SSBP1: variants seen among roughly 807,000 people sequenced by gnomAD.
The protein encoded by SSBP1 is single stranded DNA binding protein 1.
Under a neutral mutation model 27.0 loss-of-function variants are expected in SSBP1, and 20 were observed. The ratio of observed to expected loss-of-function variants is 0.74; its 90% confidence interval spans 0.52 to 1.08. The LOEUF (loss-of-function observed/expected upper bound fraction) is 1.08, where lower values mean the gene tolerates loss of function less well. SSBP1 is among the 50% of genes least tolerant of loss of function. The pLI, the probability that SSBP1 is intolerant of heterozygous loss-of-function variation, is 0.00. For synonymous variants in SSBP1, 59 were observed against 59.3 expected (o/e 1.00, Z 0.02); for missense variants, 137 against 182.4 (o/e 0.75, Z 1.44).
At chr7:141,741,798 G>A in intron 2 of SSBP1, 1 of 1,012,356 alleles carries the variant, frequency 9.9e-7, no homozygotes, top group East Asian at 9.3e-5. Flanking sequence ...CTTAGGTACA[G>A]GTTGGATTTA....
chr7:141,750,448 T>A lies in SSBP1; in HGVS notation c.*94T>A, dbSNP rs1799920402. The A allele has an allele frequency of 1.9e-6, 2 of 1,048,208 alleles. No individual in the cohort carries two copies. The highest frequency in any genetic ancestry group is 2.8e-6 in the Non-Finnish European group (2 of 723,396). The allele number at this position is 1,048,208 out of a possible 1,614,324, so 64.9% of individuals were successfully genotyped here. A position where few individuals can be genotyped will look rare whatever the true frequency, so the allele number is the denominator to read the frequency against. On this transcript the variant is annotated 3_prime_UTR_variant, in exon 7 of 7. Transcript: ENST00000265304. ...CTTCCAAGGACAAGAATTAAAATACTCTTTTACGTAAAATGAGTAATAATC... is the reference window on the plus strand; with the variant it reads ...CTTCCAAGGACAAGAATTAAAATACACTTTTACGTAAAATGAGTAATAATC...
chr7:141,745,264 A>G (rs886330071), intron 5 of SSBP1, among the ~76,000 whole-genome samples: 12 of 152,188 alleles, frequency 7.9e-5, no homozygotes, highest in Admixed American at 7.2e-4. Flanking sequence ...AACTTCCGTA[A>G]GAGAAATAGC....
chr7:141,741,070 C>G (rs889147095), intron 2 of SSBP1: 1 of 152,186 alleles, frequency 6.6e-6, no homozygotes, highest in Non-Finnish European at 1.5e-5. Flanking sequence ...ACCTATCTCT[C>G]GTTCTCTAAA....
chr7:141,745,462 C>A, intron 5 of SSBP1, 34 bp from the exon 6 acceptor site: 1 of 1,547,502 alleles, frequency 6.5e-7, no homozygotes. Flanking sequence ...ATATTAAGAT[C>A]TCAACTAAAA....
chr7:141,747,549 C>T (rs1475973477), intron 6 of SSBP1, among the ~76,000 whole-genome samples: 2 of 151,420 alleles, frequency 1.3e-5, no homozygotes, highest in Non-Finnish European at 2.9e-5. Context: ...GCCACCACGC[C>T]CAGCTAATTT....
intron 2 of SSBP1, chr7:141,741,948 A>G (rs373891838): frequency 1.6e-4 from 96 of 585,414 alleles, no homozygotes; most frequent in East Asian, 1.6e-3. Flanking sequence ...CATGCCTTCT[A>G]GTACCTTCCT....
At chr7:141,739,239 G>GA in intron 2 of SSBP1, 49 bp downstream of exon 2, 1 of 1,481,754 alleles carries the variant, frequency 6.7e-7, no homozygotes, top group African/African-American at 1.4e-5. Flanking sequence ...ATCAGCCACA[G>GA]TGATCAGAAG....
intron 1 of SSBP1, chr7:141,738,614 C>T (rs569976667): frequency 1.3e-5 from 2 of 152,596 alleles, no homozygotes; most frequent in East Asian, 3.9e-4. Flanking sequence ...TCCACCTCTC[C>T]CTATGGTGTG....
intron 2 of SSBP1, chr7:141,740,397 C>T (rs1340918978): frequency 6.6e-6 from 1 of 152,150 alleles, no homozygotes; most frequent in South Asian, 2.1e-4. Context: ...CCCATCTTTA[C>T]AGGAGCTCTT....
chr7:141,749,209 A>G, intron 6 of SSBP1, among the ~76,000 whole-genome samples: 1 of 152,326 alleles, frequency 6.6e-6, no homozygotes, highest in Non-Finnish European at 1.5e-5. Flanking sequence ...TAATCTAAAG[A>G]TGATTTAAAG....
intron 5 of SSBP1, among the ~76,000 whole-genome samples, 182 bp downstream of exon 5, chr7:141,744,171 AT>A (rs11333903): frequency 0.022 from 3,292 of 152,334 alleles, 118 homozygotes; most frequent in African/African-American, 0.076. Context: ...TGTGTGACTA[AT>A]TTGAAGATAT....
intron 2 of SSBP1, chr7:141,740,970 G>A (rs1799505160): frequency 6.6e-6 from 1 of 152,202 alleles, no homozygotes; most frequent in Non-Finnish European, 1.5e-5. Flanking sequence ...CATAGACACA[G>A]GGAATCTGAC....
rs1410340792 is a variant in SSBP1, at chr7:141,742,230, G to T, written c.85+1G>T. The T allele has an allele frequency of 6.3e-7, 1 of 1,598,016 alleles. No homozygotes were observed. The highest frequency in any genetic ancestry group is 8.6e-7 in the Non-Finnish European group (1 of 1,166,832). ...ACTACCAGTTTGGTTCTTGAAAGATGTAAGTAGCTAATTTCCAAGTTTAAA... is the reference window on the plus strand; with the variant it reads ...ACTACCAGTTTGGTTCTTGAAAGATTTAAGTAGCTAATTTCCAAGTTTAAA... On this transcript the variant is annotated splice_donor_variant, in intron 3 of 6. Coordinates refer to ENST00000265304, the MANE Select transcript of SSBP1 (RefSeq NM_003143.3). LOFTEE classifies it high-confidence loss of function.
chr7:141,744,065 T>G, intron 5 of SSBP1, 76 bp downstream of exon 5: 1 of 1,323,834 alleles, frequency 7.6e-7, no homozygotes, highest in Non-Finnish European at 1.0e-6. Flanking sequence ...TGGCAAGGAG[T>G]GTGTAGTCTC....
At chr7:141,739,883 A>T (rs1027776040) in intron 2 of SSBP1, 1 of 152,174 alleles carries the variant, frequency 6.6e-6, no homozygotes, top group African/African-American at 2.4e-5. Flanking sequence ...TTTAACCTGT[A>T]TGTATCTTTA....
chr7:141,743,114 A>C (rs1047122397), intron 3 of SSBP1, among the ~76,000 whole-genome samples: 1 of 152,192 alleles, frequency 6.6e-6, no homozygotes, highest in Non-Finnish European at 1.5e-5. Flanking sequence ...TGGCCTCCCA[A>C]AGTGCTGGGA....
chr7:141,747,493 G>A (rs1009468929), intron 6 of SSBP1, among the ~76,000 whole-genome samples: 4 of 148,504 alleles, frequency 2.7e-5, no homozygotes, highest in African/African-American at 7.4e-5. Flanking sequence ...GGGTTCAAGC[G>A]ATTCTCCTGC....
In SSBP1 at chr7:141,750,361, T is replaced by C. The variant is rs1234737495; in HGVS notation, c.*7T>C. 1 of 1,596,892 alleles carries C rather than the reference T, an allele frequency of 6.3e-7. No individual in the cohort carries two copies. The highest frequency in any genetic ancestry group is 8.5e-7 in the Non-Finnish European group (1 of 1,174,808). On this transcript the variant is annotated 3_prime_UTR_variant, in exon 7 of 7. Transcript: ENST00000265304. ...GACGAAAGAGAAGGAGTAGAAAGGA[T>C]GATTCTTCTTTGGCCATCATTTGGT...
chr7:141,743,075 T>G (rs529974822), intron 3 of SSBP1, among the ~76,000 whole-genome samples: 64 of 152,126 alleles, frequency 4.2e-4, no homozygotes, highest in Middle Eastern at 3.4e-3. Context: ...GCATGGTCTC[T>G]CTCTCCTGAC....
Sources: gnomAD v4.1 joint callset for allele counts (sites outside exome capture counted in the v4.1 genomes callset) on GRCh38, gnomAD v4.1.1 for gene constraint, MANE v1.5 for transcripts, NCBI Gene and HGNC (gene_info 2026-07-23, HGNC 2026-07-21) for gene names.